The following EEF2K variants were observed in gnomAD, a reference collection of about 807,000 sequenced individuals.
EEF2K encodes alternative protein EEF2K.
In EEF2K, 70 loss-of-function variants were observed where a neutral mutation model predicts 93.8. The observed-to-expected ratio is 0.75, with a 90% CI of 0.62 to 0.91. The LOEUF (loss-of-function observed/expected upper bound fraction) is 0.91. Ranked by LOEUF, EEF2K falls within the 40% of genes least tolerant of loss-of-function variation. The probability of loss-of-function intolerance (pLI) is 0.00; values close to 1 mark genes in which losing one functional copy is unlikely to be tolerated. For synonymous variants in EEF2K, 376 were observed against 380.8 expected (o/e 0.99, Z 0.15); for missense variants, 935 against 972.9 (o/e 0.96, Z 0.52).
chr16:22,252,877 C>T (rs887220550), intron 6 of EEF2K, among the ~76,000 whole-genome samples: 13 of 152,072 alleles, frequency 8.5e-5, no homozygotes, highest in Non-Finnish European at 1.6e-4. Flanking sequence ...CATCAGATCT[C>T]GTGAGACTTA....
At chr16:22,220,807 T>C (rs1470855172) in intron 1 of EEF2K, among the ~76,000 whole-genome samples, 1 of 152,200 alleles carries the variant, frequency 6.6e-6, no homozygotes, top group Non-Finnish European at 1.5e-5. Flanking sequence ...GGGGCTGTGG[T>C]TCTGGCCCTC....
intron 1 of EEF2K, among the ~76,000 whole-genome samples, chr16:22,207,147 G>A (rs1171763774): frequency 6.6e-6 from 1 of 152,236 alleles, no homozygotes; most frequent in Non-Finnish European, 1.5e-5. Flanking sequence ...TTGGCTGCGG[G>A]AGTTTGTTGG....
chr16:22,225,214 A>G (rs1421350850), intron 1 of EEF2K, among the ~76,000 whole-genome samples: 1 of 152,136 alleles, frequency 6.6e-6, no homozygotes, highest in Non-Finnish European at 1.5e-5. Flanking sequence ...AAAGAAACCC[A>G]GTGTACCTGG....
intron 6 of EEF2K, among the ~76,000 whole-genome samples, chr16:22,255,473 G>A (rs1054386708): frequency 6.6e-6 from 1 of 152,154 alleles, no homozygotes; most frequent in Admixed American, 6.5e-5. Context: ...TTACAGGGCA[G>A]GCTGGAGTTA....
At chr16:22,250,228 G>A (rs1196373964) in intron 4 of EEF2K, among the ~76,000 whole-genome samples, 1 of 152,162 alleles carries the variant, frequency 6.6e-6, no homozygotes, top group Non-Finnish European at 1.5e-5. Flanking sequence ...TGTTCTTTTG[G>A]TCAACATTTT....
chr16:22,262,928 C>T (rs1012471988), intron 11 of EEF2K, among the ~76,000 whole-genome samples, 182 bp from the exon 12 acceptor site: 10 of 152,142 alleles, frequency 6.6e-5, no homozygotes, highest in African/African-American at 1.9e-4. Flanking sequence ...CTGCCTGCCT[C>T]GGCCTCCCAA....
intron 2 of EEF2K, among the ~76,000 whole-genome samples, chr16:22,243,576 C>G (rs950191283): frequency 1.3e-5 from 2 of 151,722 alleles, no homozygotes; most frequent in East Asian, 3.9e-4. Context: ...TTTATACCCC[C>G]GATGGTGTGT....
intron 1 of EEF2K, among the ~76,000 whole-genome samples, chr16:22,220,901 C>G (rs1315390951): frequency 6.6e-6 from 1 of 152,170 alleles, no homozygotes; most frequent in East Asian, 1.9e-4. Context: ...TGTTGGTCAG[C>G]AGGGATTCTG....
At chr16:22,221,767 C>G (rs1430599926) in intron 1 of EEF2K, among the ~76,000 whole-genome samples, 1 of 152,068 alleles carries the variant, frequency 6.6e-6, no homozygotes, top group Non-Finnish European at 1.5e-5. Flanking sequence ...AGTATAGAAA[C>G]ATACAAAGTT....
intron 12 of EEF2K, 70 bp from the exon 13 acceptor site, chr16:22,264,748 C>T: frequency 1.9e-6 from 3 of 1,576,338 alleles, no homozygotes; most frequent in South Asian, 1.1e-5. Context: ...AGGGCTGGAC[C>T]AGCTCTCAGG....
intron 11 of EEF2K, among the ~76,000 whole-genome samples, chr16:22,261,344 C>T (rs2047460026): frequency 6.6e-6 from 1 of 151,766 alleles, no homozygotes; most frequent in Admixed American, 6.6e-5. Context: ...CACTGCACTC[C>T]AGCCTGGGTG....
Position 22,251,306 on chromosome 16 carries a change from A to T in EEF2K, c.602A>T (p.His201Leu). 6.2e-7 allele frequency: 1 copy of T among 1,613,982 alleles called. No individual in the cohort carries two copies. Among genetic ancestry groups the T allele is most frequent in the South Asian group, 1.1e-5 (1 of 91,076 alleles). The change falls in exon 6 of 18, where the codon CAC (histidine) becomes CTC (leucine). Residue 201 changes from histidine (H) to leucine (L), a missense_variant. His to Leu is a moderately conservative substitution (Grantham distance 99, BLOSUM62 -3). Transcript: ENST00000263026. ...AKLWGEEYNR[H>L]KPPKQVDIMQ... ...CTCTGGGGGGAGGAGTATAATCGGCACAAGCCCCCCAAGCAGGTGCGTGGC... is the reference window on the plus strand; with the variant it reads ...CTCTGGGGGGAGGAGTATAATCGGCTCAAGCCCCCCAAGCAGGTGCGTGGC...
rs200101051 is a variant in EEF2K at position 22,251,325 on chromosome 16, G to A, written c.618+3G>A. ...ATCGGCACAAGCCCCCCAAGCAGGT[G>A]CGTGGCCCCACTACCTGCCCCCTTT... On this transcript the variant is annotated splice_donor_region_variant and intron_variant, in intron 6 of 17. Coordinates refer to ENST00000263026, the MANE Select transcript of EEF2K (RefSeq NM_013302.5). The A allele has an allele frequency of 3.8e-4, 609 of 1,613,832 alleles. 2 individuals carry two copies. The African/African-American group carries it at 5.8e-3, about 15-fold the overall frequency.
intron 16 of EEF2K, among the ~76,000 whole-genome samples, chr16:22,279,561 C>T (rs966501636): frequency 6.6e-6 from 1 of 152,106 alleles, no homozygotes. Flanking sequence ...GTGGTATAAA[C>T]AATTTCTTTA....
At chr16:22,283,758 G>A in intron 17 of EEF2K, 129 bp from the exon 18 acceptor site, 9 of 844,504 alleles carry the variant, frequency 1.1e-5, no homozygotes, top group Non-Finnish European at 1.7e-5. Flanking sequence ...GGAGGGAGAG[G>A]GCACACGGAG....
chr16:22,257,039 A>T (rs753057862), intron 7 of EEF2K, 142 bp downstream of exon 7: 3 of 1,419,890 alleles, frequency 2.1e-6, no homozygotes, highest in Non-Finnish European at 2.8e-6. Flanking sequence ...TCAGAAGGAG[A>T]CCCGTCACCC....
rs377000237 is a variant in EEF2K, at chr16:22,277,031, C to T, written c.1890-3167C>T. ...AGTGAGCCAAGATCACATCATTCCA[C>T]TCCAGCCTGGGCAACAAGCATGAAA... On this transcript the variant is annotated intron_variant, in intron 16 of 17. Coordinates refer to ENST00000263026, the MANE Select transcript of EEF2K (RefSeq NM_013302.5). 3.9e-5 allele frequency among the ~76,000 whole-genome samples: 6 copies of T among 152,194 alleles called. No individual in the cohort carries two copies. The South Asian group carries it at 8.3e-4, about 21-fold the overall frequency.
At chr16:22,280,584 A>C (rs2047683363) in intron 17 of EEF2K, among the ~76,000 whole-genome samples, 1 of 151,952 alleles carries the variant, frequency 6.6e-6, no homozygotes. Flanking sequence ...AATTTTAAAA[A>C]CTGAATTGAG....
chr16:22,264,343 A>AC (rs1245513410), intron 12 of EEF2K, among the ~76,000 whole-genome samples: 19 of 148,724 alleles, frequency 1.3e-4, no homozygotes, highest in African/African-American at 4.5e-4. Flanking sequence ...CTGGTGGCTC[A>AC]CCTGCAATTC....
Sources: gnomAD v4.1 joint callset for allele counts (sites outside exome capture counted in the v4.1 genomes callset) on GRCh38, gnomAD v4.1.1 for gene constraint, MANE v1.5 for transcripts, NCBI Gene and HGNC (gene_info 2026-07-23, HGNC 2026-07-21) for gene names.